The following LHFPL6 variants were observed in gnomAD, a reference collection of about 807,000 sequenced individuals.
LHFPL6 encodes the protein LHFPL tetraspan subfamily member 6.
In LHFPL6, 9 loss-of-function variants were observed where a neutral mutation model predicts 20.6. The observed-to-expected ratio is 0.44, with a 90% CI of 0.26 to 0.76. The LOEUF (loss-of-function observed/expected upper bound fraction) is 0.76, where lower values mean the gene tolerates loss of function less well. LHFPL6 is among the 30% of genes least tolerant of loss of function. LHFPL6 has a pLI of 0.20. For missense variants in LHFPL6, 218 were observed against 253.5 expected (o/e 0.86, Z 0.95); for synonymous variants, 105 against 98.7 (o/e 1.06, Z -0.38).
At chr13:39,550,218 C>T (rs1871108983) in intron 2 of LHFPL6, among the ~76,000 whole-genome samples, 1 of 151,912 alleles carries the variant, frequency 6.6e-6, no homozygotes, top group Admixed American at 6.6e-5. Flanking sequence ...AAAGGGAAAA[C>T]TATAGGCACA....
chr13:39,373,090 TA>T (rs1870201593), intron 3 of LHFPL6, among the ~76,000 whole-genome samples: 1 of 152,252 alleles, frequency 6.6e-6, no homozygotes, highest in South Asian at 2.1e-4. Flanking sequence ...CAGGTGAGGT[TA>T]GGTCCCCTTG....
At chr13:39,438,358 C>T (rs1345115170) in intron 2 of LHFPL6, among the ~76,000 whole-genome samples, 1 of 152,094 alleles carries the variant, frequency 6.6e-6, no homozygotes, top group Non-Finnish European at 1.5e-5. Flanking sequence ...CACCTATGGT[C>T]ATATGAGTAA....
At chr13:39,407,027 T>A (rs1871126825) in intron 2 of LHFPL6, among the ~76,000 whole-genome samples, 1 of 152,232 alleles carries the variant, frequency 6.6e-6, no homozygotes, top group Non-Finnish European at 1.5e-5. Context: ...TGCCTGGTCT[T>A]GCAGCACACA....
At chr13:39,572,081 G>A (rs983559722) in intron 2 of LHFPL6, among the ~76,000 whole-genome samples, 23 of 152,196 alleles carry the variant, frequency 1.5e-4, no homozygotes, top group Non-Finnish European at 5.9e-5. Flanking sequence ...AACTGGCCAA[G>A]GATACTGTAT....
intron 2 of LHFPL6, among the ~76,000 whole-genome samples, chr13:39,444,437 T>A (rs779752925): frequency 6.6e-6 from 1 of 152,132 alleles, no homozygotes; most frequent in African/African-American, 2.4e-5. Context: ...ATCAAGACTA[T>A]AGGACAATGA....
intron 2 of LHFPL6, among the ~76,000 whole-genome samples, chr13:39,492,173 C>A (rs1868947596): frequency 6.6e-6 from 1 of 152,156 alleles, no homozygotes; most frequent in African/African-American, 2.4e-5. Flanking sequence ...AAGTCTAGAA[C>A]TCACCATTAA....
Position 39,514,522 on chromosome 13 carries a change from G to A in LHFPL6, c.385+86310C>T, listed in dbSNP as rs1270288792. Among the ~76,000 whole-genome samples, 4 of 152,158 alleles carry A rather than the reference G, an allele frequency of 2.6e-5. No homozygotes were observed. In the East Asian group the frequency reaches 7.7e-4, roughly 29 times the overall value. On this transcript the variant is annotated intron_variant, in intron 2 of 3. Coordinates refer to ENST00000379589, the MANE Select transcript of LHFPL6 (RefSeq NM_005780.3). ...TTATCATTCTGATCCAGTCACGAATGAGCACCACAATAATCTAGGCAGGAA... is the reference window on the plus strand; with the variant it reads ...TTATCATTCTGATCCAGTCACGAATAAGCACCACAATAATCTAGGCAGGAA...
intron 2 of LHFPL6, among the ~76,000 whole-genome samples, chr13:39,426,786 T>C (rs772346513): frequency 2.0e-4 from 31 of 152,220 alleles, no homozygotes; most frequent in Non-Finnish European, 2.5e-4. Context: ...ATCCATCTGT[T>C]CTTTTATTGA....
intron 2 of LHFPL6, among the ~76,000 whole-genome samples, chr13:39,469,990 G>A (rs755644530): frequency 3.9e-5 from 6 of 152,228 alleles, no homozygotes; most frequent in African/African-American, 1.2e-4. Flanking sequence ...CGGAAAAGAC[G>A]AAGATGTGAA....
At chr13:39,359,750 C>A (rs1232709708) in intron 3 of LHFPL6, among the ~76,000 whole-genome samples, 1 of 151,904 alleles carries the variant, frequency 6.6e-6, no homozygotes, top group Non-Finnish European at 1.5e-5. Flanking sequence ...TGTAACAAAC[C>A]TGCACATGTA....
At chr13:39,381,235 T>C (rs763495658) in intron 2 of LHFPL6, among the ~76,000 whole-genome samples, 2 of 152,196 alleles carry the variant, frequency 1.3e-5, no homozygotes, top group African/African-American at 2.4e-5. Context: ...GTAAAAACTA[T>C]GTGCCATGAA....
rs34833321 is a variant in LHFPL6, at chr13:39,400,782, C to CAAAAAAAA, written c.386-22264_386-22257dup. On this transcript the variant is annotated intron_variant, in intron 2 of 3. Coordinates refer to ENST00000379589, the MANE Select transcript of LHFPL6 (RefSeq NM_005780.3). ...TGGGCGACAGAGCGAGACTCCGTCTCAAAAAAAAAAAAAAAAAAAAAAAAA... is the reference window on the plus strand; with the variant it reads ...TGGGCGACAGAGCGAGACTCCGTCTCAAAAAAAAAAAAAAAAAAAAAAAAAAAAAAAAA... Among the ~76,000 whole-genome samples the CAAAAAAAA allele has an allele frequency of 4.5e-4, 24 of 53,486 alleles. 2 individuals are homozygous for CAAAAAAAA. The highest frequency in any genetic ancestry group is 1.7e-3 in the African/African-American group (19 of 11,318). The allele number at this position is 53,486 out of a possible 152,430, so 35.1% of individuals were successfully genotyped here.
intron 2 of LHFPL6, among the ~76,000 whole-genome samples, chr13:39,429,120 A>C (rs541458251): frequency 8.6e-5 from 13 of 151,948 alleles, no homozygotes; most frequent in Non-Finnish European, 2.9e-5. Flanking sequence ...GTTGTTTGGG[A>C]GATTACTGTG....
At chr13:39,424,289 C>A (rs760639324) in intron 2 of LHFPL6, among the ~76,000 whole-genome samples, 4 of 151,518 alleles carry the variant, frequency 2.6e-5, no homozygotes, top group Non-Finnish European at 4.4e-5. Flanking sequence ...GGGTCTGAAT[C>A]ACACAATAAA....
intron 2 of LHFPL6, among the ~76,000 whole-genome samples, chr13:39,430,068 T>C (rs1871747884): frequency 6.6e-6 from 1 of 152,234 alleles, no homozygotes; most frequent in African/African-American, 2.4e-5. Context: ...GGGCATCTTG[T>C]CTAAGCACAC....
intron 2 of LHFPL6, among the ~76,000 whole-genome samples, chr13:39,394,865 G>A (rs1215884492): frequency 2.0e-5 from 3 of 152,054 alleles, no homozygotes; most frequent in Admixed American, 6.6e-5. Context: ...TTTGTTGCTC[G>A]GTCCAAAGCA....
chr13:39,344,018 C>G lies in LHFPL6; in HGVS notation c.521G>C (p.Gly174Ala). The G allele has an allele frequency of 6.2e-7, 1 of 1,613,724 alleles. No individual in the cohort carries two copies. The highest frequency in any genetic ancestry group is 8.5e-7 in the Non-Finnish European group (1 of 1,179,882). The change falls in exon 4 of 4, where the codon GGA (glycine) becomes GCA (alanine). Residue 174 changes from glycine (G) to alanine (A), a missense_variant. Gly to Ala is a moderately conservative substitution (Grantham distance 60). Transcript: ENST00000379589. The stretch of plus-strand genomic sequence containing the variant: ...CAGCATGGCGGCAGTGGCACCTGCT[C>G]CCGTGCAGTAGTAGGCCCAGCCGAT... ...CEIGWAYYCTGAGATAAMLLC... is the reference protein window; with the variant it reads ...CEIGWAYYCTAAGATAAMLLC...
At chr13:39,452,448 T>TC (rs1171643045) in intron 2 of LHFPL6, among the ~76,000 whole-genome samples, 1 of 151,902 alleles carries the variant, frequency 6.6e-6, no homozygotes, top group East Asian at 1.9e-4. Flanking sequence ...GAGGAGGGGG[T>TC]CATACATTTT....
intron 2 of LHFPL6, among the ~76,000 whole-genome samples, chr13:39,442,701 C>CT (rs1028195043): frequency 6.6e-6 from 1 of 152,056 alleles, no homozygotes; most frequent in Non-Finnish European, 1.5e-5. Context: ...TAATTCTATT[C>CT]TTTTTTTTCT....
Sources: allele counts gnomAD v4.1 joint callset (sites outside exome capture counted in the v4.1 genomes callset), GRCh38; gene constraint gnomAD v4.1.1; transcripts MANE v1.5; gene names NCBI Gene and HGNC (gene_info 2026-07-23, HGNC 2026-07-21).